ADGRD1: variants seen among roughly 807,000 people sequenced by gnomAD.
The protein encoded by ADGRD1 is G-protein coupled receptor 133.
A neutral mutation model predicts 113.4 loss-of-function variants in ADGRD1; 77 were observed. The ratio of observed to expected loss-of-function variants is 0.68; its 90% CI spans 0.57 to 0.82. The LOEUF (loss-of-function observed/expected upper bound fraction) is 0.82, where lower values mean the gene tolerates loss of function less well. Ranked by LOEUF, ADGRD1 falls within the 40% of genes least tolerant of loss-of-function variation. The pLI is 0.00. For missense variants in ADGRD1, 1,036 were observed against 1,139.1 expected, an observed-to-expected ratio of 0.91 and a Z score of 1.30; for synonymous variants, 474 against 475.0, an observed-to-expected ratio of 1.00 and a Z score of 0.03.
chr12:131,113,656 G>T lies in ADGRD1; in HGVS notation c.2042-4729G>T, dbSNP rs1950395606. Among the ~76,000 whole-genome samples, 1 of 152,178 alleles carries T rather than the reference G, an allele frequency of 6.6e-6. No individual in the cohort carries two copies. Among genetic ancestry groups the T allele is most frequent in the African/African-American group, 2.4e-5 (1 of 41,440 alleles). On this transcript the variant is annotated intron_variant, in intron 18 of 24. Transcript: ENST00000261654. This position sits in a 1 kb window ranked among gnomAD's most constrained non-coding sequence, Gnocchi z 4.9. ...CTGGGGAGACTGAAGAGGCCACTTG[G>T]GCAGCCACCTCCAGACTGCGGCTGG...
chr12:131,073,325 T>C (rs1034131353), intron 13 of ADGRD1, among the ~76,000 whole-genome samples: 1 of 152,226 alleles, frequency 6.6e-6, no homozygotes, highest in Non-Finnish European at 1.5e-5. Flanking sequence ...TATCCTTGAT[T>C]TCCCTAAAGG....
At chr12:131,097,466 G>A (rs1347859257) in intron 15 of ADGRD1, among the ~76,000 whole-genome samples, 1 of 152,246 alleles carries the variant, frequency 6.6e-6, no homozygotes, top group Non-Finnish European at 1.5e-5. Context: ...CGGGCTGTCG[G>A]TTCATTTCCA....
chr12:131,126,917 G>A (rs1193326902), intron 20 of ADGRD1, among the ~76,000 whole-genome samples: 1 of 152,064 alleles, frequency 6.6e-6, no homozygotes, highest in Non-Finnish European at 1.5e-5. Flanking sequence ...ATGGAGTGAG[G>A]GGGGCCAGGC....
At chr12:130,960,296 G>A (rs1039930413) in intron 2 of ADGRD1, among the ~76,000 whole-genome samples, 3 of 152,046 alleles carry the variant, frequency 2.0e-5, no homozygotes, top group South Asian at 2.1e-4. Context: ...CACTTCACCC[G>A]CTCTATTTAG....
At chr12:131,139,103 C>CA in intron 24 of ADGRD1, 65 bp from the exon 25 acceptor site, 1 of 1,281,764 alleles carries the variant, frequency 7.8e-7, no homozygotes, top group South Asian at 1.2e-5. Context: ...TCCCCGCACT[C>CA]ACTGGGCTTA....
At chr12:131,001,699 C>G (rs1327271208) in intron 9 of ADGRD1, among the ~76,000 whole-genome samples, 2 of 152,120 alleles carry the variant, frequency 1.3e-5, no homozygotes, top group African/African-American at 2.4e-5. Context: ...CTCAGGGATC[C>G]TGGCTCCATC....
intron 20 of ADGRD1, among the ~76,000 whole-genome samples, chr12:131,127,425 C>T (rs974860323): frequency 3.3e-5 from 5 of 152,210 alleles, no homozygotes; most frequent in Non-Finnish European, 5.9e-5. Flanking sequence ...TTTATAGCCT[C>T]CAGAGGCAAA....
chr12:131,008,217 G>A lies in ADGRD1; in HGVS notation c.1331+2170G>A, dbSNP rs145115437. 6.0e-3 allele frequency among the ~76,000 whole-genome samples: 919 copies of A among 152,346 alleles called. 12 individuals carry two copies. Among genetic ancestry groups the A allele is most frequent in the Middle Eastern group, 0.034 (10 of 294 alleles). ...TTTTGTAAGCTGATTGGGCATTTGT[G>A]CCATTTTGCCTTTGAGGTAATTATC... On this transcript the variant is annotated intron_variant, in intron 12 of 24. Coordinates refer to ENST00000261654, the MANE Select transcript of ADGRD1 (RefSeq NM_198827.5).
In ADGRD1 at chr12:131,065,696, T is replaced by C. The variant is rs144488012; in HGVS notation, c.1474-11105T>C. 9.5e-4 allele frequency among the ~76,000 whole-genome samples: 145 copies of C among 152,002 alleles called. No individual in the cohort carries two copies. In the Middle Eastern group the frequency reaches 0.014, roughly 14 times the overall value. ...GGGAAGGCCCCTGCCAGAGGCCAGG[T>C]GTGTTTAAAGGTGTGATTCCTCGGT... On this transcript the variant is annotated intron_variant, in intron 13 of 24. Coordinates refer to ENST00000261654, the MANE Select transcript of ADGRD1 (RefSeq NM_198827.5).
At chr12:130,982,594 A>G (rs1418018628) in intron 5 of ADGRD1, among the ~76,000 whole-genome samples, 1 of 152,070 alleles carries the variant, frequency 6.6e-6, no homozygotes, top group African/African-American at 2.4e-5. Flanking sequence ...GCATGACGAG[A>G]AGAAGCTTTT....
intron 13 of ADGRD1, among the ~76,000 whole-genome samples, chr12:131,068,598 C>T (rs1309239783): frequency 5.9e-5 from 9 of 152,174 alleles, no homozygotes; most frequent in Non-Finnish European, 4.4e-5. Flanking sequence ...TGCGAAAAAC[C>T]ACAGCATATC....
In ADGRD1 at chr12:130,987,170, G is replaced by A. The variant is rs530583887; in HGVS notation, c.566G>A (p.Ser189Asn). 9 of 1,614,020 alleles carry A rather than the reference G, an allele frequency of 5.6e-6. No homozygotes were observed. Among genetic ancestry groups the A allele is most frequent in the Non-Finnish European group, 7.6e-6 (9 of 1,179,960 alleles). Reference sequence around the variant, plus strand: ...AAAGTCTACGTCAACGGGACCCTGAGCACCTCTGATCCGAGTGGAAAAGTG... The same window carrying A: ...AAAGTCTACGTCAACGGGACCCTGAACACCTCTGATCCGAGTGGAAAAGTG... ...GLKVYVNGTLSTSDPSGKVSR... is the reference protein window; with the variant it reads ...GLKVYVNGTLNTSDPSGKVSR... The change falls in exon 6 of 25, where the codon AGC becomes AAC. Residue 189 changes from serine to asparagine, a missense_variant. Ser to Asn is a conservative substitution (Grantham distance 46). Coordinates refer to ENST00000261654, the MANE Select transcript of ADGRD1 (RefSeq NM_198827.5).
intron 2 of ADGRD1, among the ~76,000 whole-genome samples, chr12:130,961,448 A>T: frequency 6.8e-6 from 1 of 146,540 alleles, no homozygotes; most frequent in African/African-American, 2.6e-5. Context: ...CCCCTCCTCC[A>T]TTTTCTCTCT....
intron 8 of ADGRD1, among the ~76,000 whole-genome samples, chr12:130,993,213 C>T (rs1249939860): frequency 6.6e-6 from 1 of 151,932 alleles, no homozygotes; most frequent in African/African-American, 2.4e-5. Context: ...ACGTGGTGAG[C>T]ACTTTTCAAG....
rs1873612463 is a variant in ADGRD1, at chr12:130,985,955, C to CA, written c.491-1137dup. Among the ~76,000 whole-genome samples, 3 of 152,094 alleles carry CA rather than the reference C, an allele frequency of 2.0e-5. No homozygotes were observed. In the South Asian group the frequency reaches 6.2e-4, roughly 31 times the overall value. On this transcript the variant is annotated intron_variant, in intron 5 of 24. Transcript: ENST00000261654. Reference sequence around the variant, plus strand: ...CATTGTACTGCCTTTTCTCCTTTGTCAAAGATTGGTTGACTGTATTTTTAT... The same window carrying CA: ...CATTGTACTGCCTTTTCTCCTTTGTCAAAAGATTGGTTGACTGTATTTTTAT...
intron 13 of ADGRD1, among the ~76,000 whole-genome samples, chr12:131,032,044 A>T (rs1480622500): frequency 6.6e-6 from 1 of 152,136 alleles, no homozygotes; most frequent in African/African-American, 2.4e-5. Context: ...TGCCCCACAG[A>T]TAGAGGGGGT....
chr12:131,028,925 GA>G (rs1880295513), intron 13 of ADGRD1, among the ~76,000 whole-genome samples: 1 of 152,210 alleles, frequency 6.6e-6, no homozygotes, highest in African/African-American at 2.4e-5. Context: ...TGCGCGTCGT[GA>G]AACTGCCCTT....
Position 131,139,173 on chromosome 12 carries a change from T to C in ADGRD1, c.2535T>C (p.Asn845=). 6.2e-7 allele frequency: 1 copy of C among 1,612,678 alleles called. No homozygotes were observed. Among genetic ancestry groups the C allele is most frequent in the Non-Finnish European group, 8.5e-7 (1 of 1,179,478 alleles). ...CATCCCTTTATGCTTTGCAGATGAATGGGACCCGGCCAGGCATGGCCTCCA... is the reference window on the plus strand; with the variant it reads ...CATCCCTTTATGCTTTGCAGATGAACGGGACCCGGCCAGGCATGGCCTCCA... ...NAKPFHSDLM[N]GTRPGMASTK... Residue 845 remains asparagine (N), a synonymous_variant, in exon 25 of 25, where the codon AAT becomes AAC. Transcript: ENST00000261654.
At chr12:130,990,702 G>T in intron 6 of ADGRD1, 1 of 252,478 alleles carries the variant, frequency 4.0e-6, no homozygotes, top group Non-Finnish European at 7.6e-6. Flanking sequence ...TATTTCTTTT[G>T]GTTCTTTATT....
Sources: allele counts gnomAD v4.1 joint callset (sites outside exome capture counted in the v4.1 genomes callset), GRCh38; gene constraint gnomAD v4.1.1; non-coding constraint Gnocchi (gnomAD v3.1); transcripts MANE v1.5; gene names NCBI Gene and HGNC (gene_info 2026-07-23, HGNC 2026-07-21).